Variants in TBC1D8 observed in about 807,000 individuals in gnomAD.
The protein encoded by TBC1D8 is TBC1 domain family member 8.
In TBC1D8, 65 loss-of-function variants were observed where a neutral mutation model predicts 118.8. The ratio of observed to expected loss-of-function variants is 0.55; its 90% CI spans 0.45 to 0.67. The LOEUF (loss-of-function observed/expected upper bound fraction) is 0.67. Ranked by LOEUF, TBC1D8 falls within the 30% of genes least tolerant of loss-of-function variation. The pLI, the probability that TBC1D8 is intolerant of heterozygous loss-of-function variation, is 0.00. For synonymous variants in TBC1D8, 566 were observed against 595.8 expected, an observed-to-expected ratio of 0.95 and a Z score of 0.73; for missense variants, 1,376 against 1,471.2, an observed-to-expected ratio of 0.94 and a Z score of 1.06.
At chr2:101,134,044 G>A (rs1328581630) in intron 1 of TBC1D8, among the ~76,000 whole-genome samples, 1 of 152,182 alleles carries the variant, frequency 6.6e-6, no homozygotes, top group Admixed American at 6.5e-5. Flanking sequence ...TCGACATGTG[G>A]GGATTACAAT....
intron 2 of TBC1D8, among the ~76,000 whole-genome samples, chr2:101,084,509 T>C (rs910352405): frequency 2.0e-5 from 3 of 152,124 alleles, no homozygotes; most frequent in African/African-American, 7.2e-5. Flanking sequence ...CGAGATCGCA[T>C]GACCGCACCC....
intron 2 of TBC1D8, among the ~76,000 whole-genome samples, chr2:101,084,252 T>C (rs1357390905): frequency 6.6e-6 from 1 of 152,132 alleles, no homozygotes; most frequent in African/African-American, 2.4e-5. Flanking sequence ...CAAAATGCAT[T>C]AGGAACACAC....
At position 101,007,834 on chromosome 2, in the gene TBC1D8, A is replaced by G. The variant is rs1048378234; in HGVS notation, c.3455T>C (p.Leu1152Pro). Residue 1152 changes from leucine (L) to proline (P), a missense_variant, in exon 20 of 20, where the codon CTG becomes CCG. Transcript: ENST00000409318. ...GCTGCTGTCTTGCTACAAGTTACTC[A>G]GCTTAAGTTCAGATTGTGATTGGTG... ...MSHQSQSELK[L>P]SNL The G allele has an allele frequency of 6.2e-7, 1 of 1,613,508 alleles. No homozygotes were observed.
At chr2:101,024,702 C>T (rs1680236319) in intron 15 of TBC1D8, among the ~76,000 whole-genome samples, 1 of 152,034 alleles carries the variant, frequency 6.6e-6, no homozygotes, top group Admixed American at 6.6e-5. Flanking sequence ...CCACCGTGCC[C>T]GGCCAGAACT....
At chr2:101,124,387 A>T (rs1420199543) in intron 1 of TBC1D8, among the ~76,000 whole-genome samples, 18 of 152,234 alleles carry the variant, frequency 1.2e-4, no homozygotes, top group Non-Finnish European at 1.5e-5. Flanking sequence ...TCCTAAAAAT[A>T]ATTTCTGGAG....
At chr2:101,129,268 G>T (rs1157141864) in intron 1 of TBC1D8, among the ~76,000 whole-genome samples, 1 of 152,006 alleles carries the variant, frequency 6.6e-6, no homozygotes, top group Non-Finnish European at 1.5e-5. Context: ...AGCCTCCCGA[G>T]TAGCTGGGAC....
chr2:101,145,000 C>G (rs1368540642), intron 1 of TBC1D8, among the ~76,000 whole-genome samples: 1 of 152,170 alleles, frequency 6.6e-6, no homozygotes. Flanking sequence ...AATGTGGAGT[C>G]AAGATCATAA....
chr2:101,013,030 G>A (rs757290182), intron 17 of TBC1D8, among the ~76,000 whole-genome samples: 4 of 152,304 alleles, frequency 2.6e-5, no homozygotes, highest in Non-Finnish European at 4.4e-5. Context: ...AGAACTTGGC[G>A]TACCACAAAG....
In TBC1D8 at chr2:101,149,438, G is replaced by A. The variant is rs571111841; in HGVS notation, c.127+1689C>T. On this transcript the variant is annotated intron_variant, in intron 1 of 19. Transcript: ENST00000409318. The stretch of plus-strand genomic sequence containing the variant: ...TAACTAGATGGTGAATCGGCTGAAG[G>A]TAGCCGGCCCTCACCGCCTGCTCTC... 2.6e-5 allele frequency among the ~76,000 whole-genome samples: 4 copies of A among 152,262 alleles called. No homozygotes were observed. In the South Asian group the frequency reaches 8.3e-4, roughly 32 times the overall value.
Position 101,054,216 on chromosome 2 carries a change from C to G in TBC1D8, c.523G>C (p.Val175Leu), listed in dbSNP as rs1261672174. The G allele has an allele frequency of 6.2e-7, 1 of 1,611,850 alleles. No homozygotes were observed. Among genetic ancestry groups the G allele is most frequent in the African/African-American group, 1.3e-5 (1 of 75,014 alleles). Reference sequence around the variant, plus strand: ...CAACAGCAGCAGGAGTAGTAGGTGACCAGCTTCTCCGCCTCGGGGAAGTTG... The same window carrying G: ...CAACAGCAGCAGGAGTAGTAGGTGAGCAGCTTCTCCGCCTCGGGGAAGTTG... ...RFNFPEAEKL[V>L]TYYSCCCWKG... The change falls in exon 4 of 20, where the codon GTC becomes CTC. Residue 175 changes from valine to leucine, a missense_variant. By Grantham distance (32) the Val-to-Leu change is conservative (BLOSUM62 1). Coordinates refer to ENST00000409318, the MANE Select transcript of TBC1D8 (RefSeq NM_001330348.2).
At chr2:101,010,264 G>A (rs1277544902) in intron 19 of TBC1D8, among the ~76,000 whole-genome samples, 1 of 152,144 alleles carries the variant, frequency 6.6e-6, no homozygotes, top group Non-Finnish European at 1.5e-5. Flanking sequence ...TCAGTACTGT[G>A]TATCATGCAG....
chr2:101,130,861 A>G (rs147143576), intron 1 of TBC1D8, among the ~76,000 whole-genome samples: 2 of 152,316 alleles, frequency 1.3e-5, no homozygotes, highest in East Asian at 3.9e-4. Flanking sequence ...TTCTCTTAAT[A>G]TCTAACTGTT....
chr2:101,049,167 T>G (rs1212709036), intron 5 of TBC1D8, among the ~76,000 whole-genome samples: 1 of 152,178 alleles, frequency 6.6e-6, no homozygotes, highest in Non-Finnish European at 1.5e-5. Context: ...TTAATTACTT[T>G]TGCACCAAGA....
intron 2 of TBC1D8, among the ~76,000 whole-genome samples, chr2:101,071,015 T>G (rs939613085): frequency 6.6e-6 from 1 of 152,012 alleles, no homozygotes; most frequent in Non-Finnish European, 1.5e-5. Context: ...TTCTTGGGGG[T>G]TTGTCTCAGT....
intron 19 of TBC1D8, among the ~76,000 whole-genome samples, chr2:101,009,882 T>C (rs12996506): frequency 1.3e-5 from 2 of 149,684 alleles, no homozygotes; most frequent in Admixed American, 6.7e-5. Flanking sequence ...AGTGCAGTGG[T>C]GCGATCTCGG....
rs756994592 is a variant in TBC1D8, at chr2:101,011,485, TGAC to T, written c.2880_2882del (p.Ser961del). ...TCCCGAAAACCAGGGGTCTCGATGT[TGAC>T]AACAGAGGATTCCTCAACGGCGACT... On this transcript the variant is annotated inframe_deletion, in exon 18 of 20. Coordinates refer to ENST00000409318, the MANE Select transcript of TBC1D8 (RefSeq NM_001330348.2). 4.1e-5 allele frequency: 66 copies of T among 1,613,682 alleles called. No individual in the cohort carries two copies. Among genetic ancestry groups the T allele is most frequent in the Non-Finnish European group, 5.5e-5 (65 of 1,179,854 alleles).
At chr2:101,142,068 T>C (rs1201634610) in intron 1 of TBC1D8, among the ~76,000 whole-genome samples, 1 of 152,126 alleles carries the variant, frequency 6.6e-6, no homozygotes, top group East Asian at 1.9e-4. Flanking sequence ...TGTACCACTG[T>C]GGGAAGTTTT....
chr2:101,033,812 G>A, intron 9 of TBC1D8, 54 bp from the exon 10 acceptor site: 1 of 1,559,394 alleles, frequency 6.4e-7, no homozygotes. Context: ...ATGGTGTCAT[G>A]ATGAAGAAGA....
chr2:101,095,914 C>T (rs373895449), intron 1 of TBC1D8, among the ~76,000 whole-genome samples: 3 of 152,170 alleles, frequency 2.0e-5, no homozygotes, highest in South Asian at 4.2e-4. Flanking sequence ...CCGAGGGACA[C>T]AGGCCCATGG....
Sources: gnomAD v4.1 joint callset for allele counts (sites outside exome capture counted in the v4.1 genomes callset) on GRCh38, gnomAD v4.1.1 for gene constraint, MANE v1.5 for transcripts, NCBI Gene and HGNC (gene_info 2026-07-23, HGNC 2026-07-21) for gene names.